SLIT2: variants seen among roughly 807,000 people sequenced by gnomAD.
SLIT2 encodes slit homolog 2 protein.
SLIT2 carries 41 observed loss-of-function variants against 185.7 expected under a neutral mutation model. The observed-to-expected ratio is 0.22, with a 90% CI of 0.17 to 0.29. The LOEUF (loss-of-function observed/expected upper bound fraction) is 0.29. SLIT2 is among the 10% of genes least tolerant of loss of function. The pLI, the probability that SLIT2 is intolerant of heterozygous loss-of-function variation, is 1.00. For synonymous variants in SLIT2, 693 were observed against 680.2 expected, an observed-to-expected ratio of 1.02 and a Z score of -0.29; for missense variants, 1,571 against 1,909.0, an observed-to-expected ratio of 0.82 and a Z score of 3.30.
At chr4:20,541,693 A>G (rs1722811500) in intron 20 of SLIT2, 74 bp downstream of exon 20, 4 of 1,303,000 alleles carry the variant, frequency 3.1e-6, no homozygotes. Flanking sequence ...GCACAAATCT[A>G]CAGCATAGTT....
chr4:20,326,782 G>T (rs1577437879), intron 4 of SLIT2, among the ~76,000 whole-genome samples: 4 of 110,214 alleles, frequency 3.6e-5, no homozygotes, highest in East Asian at 3.0e-4. Context: ...GTACATGAAT[G>T]AGTTCTGGCT....
intron 8 of SLIT2, 49 bp downstream of exon 8, chr4:20,489,031 T>C (rs746014857): frequency 4.1e-6 from 6 of 1,464,528 alleles, no homozygotes; most frequent in Non-Finnish European, 5.7e-6. Context: ...TATCCTGTTA[T>C]GTAACAGAAT....
intron 4 of SLIT2, among the ~76,000 whole-genome samples, chr4:20,320,759 A>C (rs1719011020): frequency 6.6e-6 from 1 of 152,144 alleles, no homozygotes; most frequent in African/African-American, 2.4e-5. Flanking sequence ...GGATGTACAG[A>C]TCTGCATAGC....
At chr4:20,282,959 C>A (rs959530933) in intron 4 of SLIT2, among the ~76,000 whole-genome samples, 2 of 152,166 alleles carry the variant, frequency 1.3e-5, no homozygotes, top group African/African-American at 4.8e-5. Context: ...TAAATCTGTT[C>A]TTTTCAATCC....
At chr4:20,276,464 A>G (rs1249300450) in intron 4 of SLIT2, among the ~76,000 whole-genome samples, 2 of 152,190 alleles carry the variant, frequency 1.3e-5, no homozygotes, top group African/African-American at 4.8e-5. Flanking sequence ...GTCCTTGACA[A>G]CACCTATGGC....
In SLIT2 at chr4:20,616,905, C is replaced by T. The variant is rs770185680; in HGVS notation, c.3848-5C>T. The T allele has an allele frequency of 1.3e-5, 20 of 1,585,630 alleles. No homozygotes were observed. Among genetic ancestry groups the T allele is most frequent in the Non-Finnish European group, 1.7e-5 (20 of 1,159,810 alleles). The stretch of plus-strand genomic sequence containing the variant: ...CCTGACCTCTGACCTGGTGTTCCTC[C>T]CCAGGCATGCCAGGGAAGAGTAACG... On this transcript the variant is annotated splice_polypyrimidine_tract_variant and splice_region_variant and intron_variant, in intron 34 of 36. Coordinates refer to ENST00000504154, the MANE Select transcript of SLIT2 (RefSeq NM_004787.4).
chr4:20,357,404 A>G (rs76752047), intron 4 of SLIT2, among the ~76,000 whole-genome samples: 6,882 of 152,150 alleles, frequency 0.045, 371 homozygotes, highest in African/African-American at 0.13. Flanking sequence ...TGTCTCTGCT[A>G]TTTTCTCTTT....
intron 35 of SLIT2, 99 bp downstream of exon 35, chr4:20,617,297 G>C (rs574967208): frequency 8.7e-5 from 106 of 1,217,804 alleles, no homozygotes; most frequent in Admixed American, 6.3e-4. Context: ...CGGGAAGGGA[G>C]GGGAGGGGAG....
chr4:20,527,293 CTTT>C (rs1000895901), intron 15 of SLIT2, among the ~76,000 whole-genome samples: 1 of 146,860 alleles, frequency 6.8e-6, no homozygotes, highest in African/African-American at 2.5e-5. Flanking sequence ...GAGAGTTCAT[CTTT>C]TTTTTTTTGG....
intron 34 of SLIT2, among the ~76,000 whole-genome samples, chr4:20,613,125 C>A (rs980263901): frequency 2.0e-5 from 3 of 152,022 alleles, no homozygotes; most frequent in Non-Finnish European, 4.4e-5. Context: ...ATAGAGCTAC[C>A]ATTCAACCCA....
chr4:20,418,038 G>C (rs1727841736), intron 4 of SLIT2, among the ~76,000 whole-genome samples: 1 of 152,140 alleles, frequency 6.6e-6, no homozygotes, highest in African/African-American at 2.4e-5. Context: ...TCCTATAGTA[G>C]AGTGTACCAC....
intron 4 of SLIT2, among the ~76,000 whole-genome samples, chr4:20,404,295 T>C (rs1726595325): frequency 6.6e-6 from 1 of 152,004 alleles, no homozygotes; most frequent in Admixed American, 6.6e-5. Flanking sequence ...TCTCACATAT[T>C]TTCTAGAACA....
At chr4:20,523,929 T>G (rs771007751) in intron 13 of SLIT2, 26 bp downstream of exon 13, 10 of 1,613,368 alleles carry the variant, frequency 6.2e-6, no homozygotes, top group Non-Finnish European at 5.9e-6. Context: ...TTGGATCACT[T>G]TTGATGACAT....
chr4:20,537,893 G>A (rs900796529), intron 18 of SLIT2, among the ~76,000 whole-genome samples: 2 of 152,052 alleles, frequency 1.3e-5, no homozygotes, highest in Admixed American at 6.6e-5. Context: ...TGAAATTTGT[G>A]CATATGTGTG....
chr4:20,489,764 A>G (rs1717607121), intron 8 of SLIT2, among the ~76,000 whole-genome samples: 2 of 151,796 alleles, frequency 1.3e-5, no homozygotes, highest in South Asian at 4.2e-4. Context: ...AGCATGGGTG[A>G]CAAGAGAGAA....
rs545515587 is a variant in SLIT2, at chr4:20,337,127, G to A, written c.395+68246G>A. On this transcript the variant is annotated intron_variant, in intron 4 of 36. Coordinates refer to ENST00000504154, the MANE Select transcript of SLIT2 (RefSeq NM_004787.4). ...TTTAGCAAAGGCTAGGTTAAGTAGT[G>A]TATTAGTCTGTTTTCACTCTGCTGA... Among the ~76,000 whole-genome samples, 6 of 152,300 alleles carry A rather than the reference G, an allele frequency of 3.9e-5. No homozygotes were observed. The South Asian group carries it at 8.3e-4, about 21-fold the overall frequency.
chr4:20,401,128 A>C (rs1408149733), intron 4 of SLIT2, among the ~76,000 whole-genome samples: 1 of 151,856 alleles, frequency 6.6e-6, no homozygotes, highest in African/African-American at 2.4e-5. Flanking sequence ...TCTTCTGACT[A>C]AGGATAGAAT....
At chr4:20,561,527 C>T (rs1272509776) in intron 26 of SLIT2, among the ~76,000 whole-genome samples, 1 of 151,504 alleles carries the variant, frequency 6.6e-6, no homozygotes, top group Admixed American at 6.6e-5. Context: ...AATAATTGAG[C>T]CCAACCTAAA....
rs1268843238 is a variant in SLIT2, at chr4:20,253,573, C to T, written c.-243C>T. 2 of 573,126 alleles carry T rather than the reference C, an allele frequency of 3.5e-6. No homozygotes were observed. The highest frequency in any genetic ancestry group is 6.2e-6 in the Non-Finnish European group (2 of 321,080). The allele number at this position is 573,126 out of a possible 1,614,324, so 35.5% of individuals were successfully genotyped here. The stretch of plus-strand genomic sequence containing the variant: ...TGCAGCCCTGGCCAGGCGGATTCAT[C>T]CTCAGGACCTAAAGTTGCCCAAGGA... On this transcript the variant is annotated 5_prime_UTR_variant, in exon 1 of 37. Coordinates refer to ENST00000504154, the MANE Select transcript of SLIT2 (RefSeq NM_004787.4).
Sources: gnomAD v4.1 joint callset for allele counts (sites outside exome capture counted in the v4.1 genomes callset) on GRCh38, gnomAD v4.1.1 for gene constraint, MANE v1.5 for transcripts, NCBI Gene and HGNC (gene_info 2026-07-23, HGNC 2026-07-21) for gene names.